ZNF710: variants seen among roughly 807,000 people sequenced by gnomAD.
The protein encoded by ZNF710 is zinc finger protein 710.
ZNF710 carries 13 observed loss-of-function variants against 50.6 expected under a neutral mutation model. The observed-to-expected ratio is 0.26, with a 90% CI of 0.17 to 0.41. ZNF710 has a LOEUF of 0.41. ZNF710 is among the 10% of genes least tolerant of loss of function. The probability of loss-of-function intolerance (pLI) is 1.00; values close to 1 mark genes in which losing one functional copy is unlikely to be tolerated. For missense variants in ZNF710, 721 were observed against 936.6 expected (o/e 0.77, Z 3.01); for synonymous variants, 383 against 397.0 (o/e 0.96, Z 0.42).
At chr15:90,014,889 A>ATTT (rs553182166) in intron 1 of ZNF710, among the ~76,000 whole-genome samples, 8 of 149,084 alleles carry the variant, frequency 5.4e-5, no homozygotes, top group Admixed American at 1.3e-4. Flanking sequence ...CCATCAACTG[A>ATTT]ATTTTTTTTT....
chr15:90,038,255 C>T (rs899641790), intron 1 of ZNF710, among the ~76,000 whole-genome samples: 1 of 152,212 alleles, frequency 6.6e-6, no homozygotes, highest in African/African-American at 2.4e-5. Flanking sequence ...CAAAGGCTGG[C>T]CCCACAGACA....
At chr15:90,048,402 C>T (rs1899533829) in intron 1 of ZNF710, among the ~76,000 whole-genome samples, 1 of 152,228 alleles carries the variant, frequency 6.6e-6, no homozygotes, top group Non-Finnish European at 1.5e-5. Context: ...CTGAGTGCTT[C>T]AGAGCCAGGA....
At position 90,081,406 on chromosome 15, in the gene ZNF710, GCTTCAGC is replaced by G; in HGVS notation, c.*1580_*1586del. On this transcript the variant is annotated 3_prime_UTR_variant, in exon 5 of 5. Coordinates refer to ENST00000268154, the MANE Select transcript of ZNF710 (RefSeq NM_198526.4). The stretch of plus-strand genomic sequence containing the variant: ...CCCAAAGGCACAGATGAAGCCACTA[GCTTCAGC>G]CTAGAAACCCGGAGAAGGGAACAGC... The G allele has an allele frequency of 6.6e-6, 1 of 152,338 alleles. No individual in the cohort carries two copies. The highest frequency in any genetic ancestry group is 1.9e-4 in the East Asian group (1 of 5,172). The allele number at this position is 152,338 out of a possible 1,614,324, so 9.4% of individuals were successfully genotyped here.
rs564229454 is a variant in ZNF710 at position 90,074,205 on chromosome 15, C to T, written c.1740C>T (p.Cys580=). ...AGSKPFKCPY[C]SSKFNLKGNL... Reference sequence around the variant, plus strand: ...GCAAGCCCTTCAAGTGCCCCTACTGCTCCAGCAAGTTTAATCTCAAGGGCA... The same window carrying T: ...GCAAGCCCTTCAAGTGCCCCTACTGTTCCAGCAAGTTTAATCTCAAGGGCA... Residue 580 remains cysteine, a synonymous_variant, in exon 4 of 5, where the codon TGC becomes TGT. Coordinates refer to ENST00000268154, the MANE Select transcript of ZNF710 (RefSeq NM_198526.4). The T allele has an allele frequency of 3.7e-5, 59 of 1,613,486 alleles. No homozygotes were observed. In the South Asian group the frequency reaches 4.7e-4, roughly 13 times the overall value.
chr15:90,005,812 G>A (rs1021698604), intron 1 of ZNF710, among the ~76,000 whole-genome samples: 1 of 152,170 alleles, frequency 6.6e-6, no homozygotes, highest in African/African-American at 2.4e-5. Context: ...TGTGTCTTAG[G>A]CCAGAATTAT....
At chr15:90,032,914 G>GA (rs370156779) in intron 1 of ZNF710, among the ~76,000 whole-genome samples, 24 of 150,858 alleles carry the variant, frequency 1.6e-4, no homozygotes, top group African/African-American at 5.6e-4. Context: ...TCTAAAAAAA[G>GA]AAAAAAAAAG....
chr15:90,006,663 G>A (rs1016124463), intron 1 of ZNF710: 4 of 153,356 alleles, frequency 2.6e-5, no homozygotes, highest in African/African-American at 9.6e-5. Context: ...CACCTGCAGT[G>A]TGGATGAAGA....
At chr15:90,018,077 G>T (rs913090499) in intron 1 of ZNF710, among the ~76,000 whole-genome samples, 1 of 151,880 alleles carries the variant, frequency 6.6e-6, no homozygotes, top group African/African-American at 2.4e-5. Flanking sequence ...AAAAACTTCT[G>T]TGTAACATCA....
chr15:90,001,173 T>A (rs544684701), upstream of ZNF710, among the ~76,000 whole-genome samples: 1 of 149,290 alleles, frequency 6.7e-6, no homozygotes, highest in East Asian at 2.0e-4. Context: ...AGTGGGAGAG[T>A]TGAACCGAAA....
At chr15:90,037,121 TG>T (rs1899152542) in intron 1 of ZNF710, among the ~76,000 whole-genome samples, 1 of 151,100 alleles carries the variant, frequency 6.6e-6, no homozygotes, top group Non-Finnish European at 1.5e-5. Context: ...GGGCTCGGGG[TG>T]GGGGTGGAGT....
intron 1 of ZNF710, among the ~76,000 whole-genome samples, chr15:90,023,054 T>C (rs1898669429): frequency 6.6e-6 from 1 of 152,214 alleles, no homozygotes. Flanking sequence ...TTGAATTCAG[T>C]GACCCACTGA....
At chr15:90,038,871 A>C (rs1038136176) in intron 1 of ZNF710, among the ~76,000 whole-genome samples, 1 of 152,206 alleles carries the variant, frequency 6.6e-6, no homozygotes, top group African/African-American at 2.4e-5. Context: ...TGTCCAGGAA[A>C]GTCCTAAGGC....
At chr15:90,009,354 A>G (rs977023593) in intron 1 of ZNF710, among the ~76,000 whole-genome samples, 3 of 151,820 alleles carry the variant, frequency 2.0e-5, no homozygotes, top group Non-Finnish European at 4.4e-5. Flanking sequence ...GTGATGTCCG[A>G]TCCTCGGGCC....
rs1900261487 is a variant in ZNF710 at position 90,068,358 on chromosome 15, T to G, written c.1221T>G (p.His407Gln). 1 of 1,612,682 alleles carries G rather than the reference T, an allele frequency of 6.2e-7. No individual in the cohort carries two copies. The highest frequency in any genetic ancestry group is 8.5e-7 in the Non-Finnish European group (1 of 1,179,514). ...HEVKHESGRC[H>Q]VCVECGLDFS... ...TGAAGCATGAGAGTGGCCGCTGCCATGTCTGCGTCGAGTGCGGCCTGGACT... is the reference window on the plus strand; with the variant it reads ...TGAAGCATGAGAGTGGCCGCTGCCAGGTCTGCGTCGAGTGCGGCCTGGACT... The change falls in exon 2 of 5, where the codon CAT becomes CAG. Residue 407 changes from histidine to glutamine, a missense_variant. Around this residue, in one of 3 missense-constraint regions of ZNF710, gnomAD observed 326 missense variants for 522.0 expected, o/e 0.62. Coordinates refer to ENST00000268154, the MANE Select transcript of ZNF710 (RefSeq NM_198526.4). The surrounding 1 kb of genome is among the most constrained non-coding windows in gnomAD (Gnocchi z 5.0).
intron 1 of ZNF710, among the ~76,000 whole-genome samples, chr15:90,052,170 C>T (rs1899665776): frequency 6.6e-6 from 1 of 152,136 alleles, no homozygotes; most frequent in African/African-American, 2.4e-5. Context: ...GGCGCAGCAA[C>T]GCTTCTCACC....
In ZNF710 at chr15:90,068,571, C is replaced by T; in HGVS notation, c.1434C>T (p.Leu478=). ...CGMEFSQIHH[L]KQHSLTHKGV... is the part of the protein sequence containing the mutation. ...TGGAGTTCAGCCAGATTCACCACCT[C>T]AAGCAGCACTCCCTCACCCACAAGG... The change falls in exon 2 of 5, where the codon CTC becomes CTT. Residue 478 remains leucine, a synonymous_variant. Transcript: ENST00000268154. The surrounding 1 kb of genome is among the most constrained non-coding windows in gnomAD (Gnocchi z 5.0). 1 of 1,604,038 alleles carries T rather than the reference C, an allele frequency of 6.2e-7. No individual in the cohort carries two copies. The highest frequency in any genetic ancestry group is 8.5e-7 in the Non-Finnish European group (1 of 1,177,646).
intron 1 of ZNF710, among the ~76,000 whole-genome samples, chr15:90,018,313 C>T (rs527615208): frequency 2.6e-5 from 4 of 152,110 alleles, no homozygotes; most frequent in South Asian, 4.1e-4. Flanking sequence ...GGATCACAGG[C>T]GTGTGCCACC....
chr15:90,031,511 G>A (rs1898949095), intron 1 of ZNF710, among the ~76,000 whole-genome samples: 1 of 152,206 alleles, frequency 6.6e-6, no homozygotes, highest in South Asian at 2.1e-4. Flanking sequence ...GGTTAAGTGA[G>A]GACACACAGG....
intron 1 of ZNF710, among the ~76,000 whole-genome samples, chr15:90,011,348 A>G (rs866796835): frequency 2.1e-4 from 32 of 152,324 alleles, no homozygotes; most frequent in Non-Finnish European, 3.5e-4. Context: ...GCCTCAACCC[A>G]TGCTCCTGCC....
Sources: gnomAD v4.1 joint callset for allele counts (sites outside exome capture counted in the v4.1 genomes callset) on GRCh38, gnomAD v4.1.1 for gene constraint, gnomAD v4.1.1 regional missense constraint, Gnocchi (gnomAD v3.1) non-coding constraint, MANE v1.5 for transcripts, NCBI Gene and HGNC (gene_info 2026-07-23, HGNC 2026-07-21) for gene names.